The following OPCML variants were observed in gnomAD, a reference collection of about 807,000 sequenced individuals.
OPCML encodes opioid binding protein/cell adhesion molecule like, also known as opioid-binding protein/cell adhesion molecule.
A neutral mutation model predicts 37.8 loss-of-function variants in OPCML; 13 were observed. The ratio of observed to expected loss-of-function variants is 0.34; its 90% CI spans 0.22 to 0.55. OPCML has a LOEUF of 0.55. Ranked by LOEUF, OPCML falls within the 20% of genes least tolerant of loss-of-function variation. OPCML has a pLI of 0.91. For synonymous variants in OPCML, 176 were observed against 168.8 expected, an observed-to-expected ratio of 1.04 and a Z score of -0.33; for missense variants, 341 against 435.6, an observed-to-expected ratio of 0.78 and a Z score of 1.93.
intron 1 of OPCML, among the ~76,000 whole-genome samples, chr11:133,278,872 C>T (rs1221908448): frequency 6.6e-6 from 1 of 152,168 alleles, no homozygotes; most frequent in Non-Finnish European, 1.5e-5. Context: ...TATATTATCT[C>T]CATTTTACAG....
intron 2 of OPCML, among the ~76,000 whole-genome samples, chr11:132,937,130 G>A (rs1263395521): frequency 6.6e-6 from 1 of 152,062 alleles, no homozygotes; most frequent in East Asian, 1.9e-4. Context: ...AAGGTCAAAT[G>A]AGACCTGCTT....
chr11:133,349,908 CT>C (rs922147837), intron 1 of OPCML, among the ~76,000 whole-genome samples: 7 of 152,310 alleles, frequency 4.6e-5, no homozygotes, highest in Admixed American at 4.6e-4. Flanking sequence ...CCCTGGCCTC[CT>C]TTTAAAAATC....
rs192297281 is a variant in OPCML, at chr11:133,295,088, T to C, written c.61+237176A>G. On this transcript the variant is annotated intron_variant, in intron 1 of 7. Transcript: ENST00000524381. Reference sequence around the variant, plus strand: ...ATCCACCTGCCTCGGCCTCCCAAAGTGCTGGGATTACAGGCATGAGCCACC... The same window carrying C: ...ATCCACCTGCCTCGGCCTCCCAAAGCGCTGGGATTACAGGCATGAGCCACC... Among the ~76,000 whole-genome samples the C allele has an allele frequency of 3.7e-3, 558 of 152,084 alleles. 4 individuals carry two copies. Among genetic ancestry groups the C allele is most frequent in the African/African-American group, 0.013 (519 of 41,478 alleles).
At chr11:133,486,189 G>T (rs1024746879) in intron 1 of OPCML, among the ~76,000 whole-genome samples, 1 of 152,150 alleles carries the variant, frequency 6.6e-6, no homozygotes, top group South Asian at 2.1e-4. Flanking sequence ...AGGAGCAATG[G>T]TTTCATATTC....
At chr11:133,450,363 T>C (rs1946557039) in intron 1 of OPCML, among the ~76,000 whole-genome samples, 1 of 151,640 alleles carries the variant, frequency 6.6e-6, no homozygotes, top group South Asian at 2.1e-4. Flanking sequence ...TTGATCTTCC[T>C]GCCAGCAATC....
intron 2 of OPCML, among the ~76,000 whole-genome samples, chr11:132,806,074 A>T (rs1356761347): frequency 6.6e-6 from 1 of 152,146 alleles, no homozygotes; most frequent in Non-Finnish European, 1.5e-5. Context: ...ATCATTAGCC[A>T]TAGAGAAACC....
intron 2 of OPCML, among the ~76,000 whole-genome samples, chr11:132,936,001 C>T (rs1945355902): frequency 6.6e-6 from 1 of 152,158 alleles, no homozygotes; most frequent in Non-Finnish European, 1.5e-5. Context: ...CATGATCCCC[C>T]TGGACAGTAT....
chr11:132,981,274 A>G (rs940640315), intron 1 of OPCML, among the ~76,000 whole-genome samples: 1 of 152,188 alleles, frequency 6.6e-6, no homozygotes, highest in East Asian at 1.9e-4. Context: ...GACAGATAAG[A>G]TGTAGTGAGA....
chr11:132,871,923 T>C (rs994695070), intron 2 of OPCML, among the ~76,000 whole-genome samples: 1 of 152,238 alleles, frequency 6.6e-6, no homozygotes, highest in African/African-American at 2.4e-5. Context: ...TTACCGAACC[T>C]GCCTCTCTGG....
chr11:132,693,661 A>C (rs1943489851), intron 2 of OPCML, among the ~76,000 whole-genome samples: 1 of 152,248 alleles, frequency 6.6e-6, no homozygotes, highest in African/African-American at 2.4e-5. Context: ...TCCAGATTAT[A>C]ATTGCCAATT....
In OPCML at chr11:133,275,320, G is replaced by T. The variant is rs1000569288; in HGVS notation, c.61+256944C>A. Among the ~76,000 whole-genome samples the T allele has an allele frequency of 2.0e-5, 3 of 151,740 alleles. No homozygotes were observed. The South Asian group carries it at 6.2e-4, about 31-fold the overall frequency. On this transcript the variant is annotated intron_variant, in intron 1 of 7. Coordinates refer to ENST00000524381, the MANE Select transcript of OPCML (RefSeq NM_001012393.5). ...AGAAAAGAAAGGGCAGAAGTTAGGTGCCAATTTTTTTTTATTTTGCCAAGT... is the reference window on the plus strand; with the variant it reads ...AGAAAAGAAAGGGCAGAAGTTAGGTTCCAATTTTTTTTTATTTTGCCAAGT...
intron 1 of OPCML, among the ~76,000 whole-genome samples, chr11:133,013,184 A>G (rs1205164876): frequency 6.6e-6 from 1 of 152,244 alleles, no homozygotes; most frequent in East Asian, 1.9e-4. Flanking sequence ...GCTCTGTTTT[A>G]CAGAGAAAAA....
chr11:133,531,574 A>C (rs541937699), intron 1 of OPCML, among the ~76,000 whole-genome samples: 1 of 152,288 alleles, frequency 6.6e-6, no homozygotes, highest in South Asian at 2.1e-4. Flanking sequence ...GTGGAAGGAT[A>C]AAGAAAGGAC....
Position 133,112,840 on chromosome 11 carries a change from A to G in OPCML, c.62-169830T>C, listed in dbSNP as rs540672344. On this transcript the variant is annotated intron_variant, in intron 1 of 7. Transcript: ENST00000524381. ...ACACCGAGAAACTCTTAATCGCACA[A>G]GCTCCAGAAGAGTGGACTGTCATGC... Among the ~76,000 whole-genome samples the G allele has an allele frequency of 5.3e-5, 8 of 152,190 alleles. No individual in the cohort carries two copies. In the East Asian group the frequency reaches 1.2e-3, roughly 22 times the overall value.
intron 1 of OPCML, among the ~76,000 whole-genome samples, chr11:132,971,980 A>T (rs1159903150): frequency 6.6e-6 from 1 of 152,082 alleles, no homozygotes. Flanking sequence ...ATCAATGTGG[A>T]GTCATTTGCT....
At chr11:132,693,036 ACTTGGTAT>A (rs1388999229) in intron 2 of OPCML, among the ~76,000 whole-genome samples, 1 of 152,226 alleles carries the variant, frequency 6.6e-6, no homozygotes, top group Non-Finnish European at 1.5e-5. Flanking sequence ...GTAAAGGAGA[ACTTGGTAT>A]CATTGGAGAA....
At chr11:132,552,335 G>A (rs1388162584) in intron 3 of OPCML, among the ~76,000 whole-genome samples, 1 of 152,148 alleles carries the variant, frequency 6.6e-6, no homozygotes, top group Non-Finnish European at 1.5e-5. Flanking sequence ...TTTGCCACCG[G>A]AGAAGGAAAC....
At chr11:133,371,165 G>A (rs1166176317) in intron 1 of OPCML, among the ~76,000 whole-genome samples, 2 of 152,202 alleles carry the variant, frequency 1.3e-5, no homozygotes, top group African/African-American at 4.8e-5. Flanking sequence ...AATAACAGGT[G>A]CTGGTGAAGA....
At chr11:132,672,421 C>G (rs1942516459) in intron 2 of OPCML, among the ~76,000 whole-genome samples, 1 of 152,190 alleles carries the variant, frequency 6.6e-6, no homozygotes, top group Non-Finnish European at 1.5e-5. Context: ...AGTACTCAAT[C>G]TAAAGCATTT....
Sources: allele counts gnomAD v4.1 joint callset (sites outside exome capture counted in the v4.1 genomes callset), GRCh38; gene constraint gnomAD v4.1.1; transcripts MANE v1.5; gene names NCBI Gene and HGNC (gene_info 2026-07-23, HGNC 2026-07-21).